Variants in MYH11 observed in about 807,000 individuals in gnomAD.
The protein encoded by MYH11 is myosin heavy chain 11.
Under a neutral mutation model 246.6 loss-of-function variants are expected in MYH11, and 80 were observed. The observed-to-expected ratio is 0.32, with a 90% CI of 0.27 to 0.39. The LOEUF (loss-of-function observed/expected upper bound fraction) is 0.39. Ranked by LOEUF, MYH11 falls within the 10% of genes least tolerant of loss-of-function variation. The probability of loss-of-function intolerance (pLI) is 1.00; values close to 1 mark genes in which losing one functional copy is unlikely to be tolerated. For synonymous variants in MYH11, 1,071 were observed against 1,015.5 expected, an observed-to-expected ratio of 1.05 and a Z score of -1.04; for missense variants, 2,158 against 2,546.8, an observed-to-expected ratio of 0.85 and a Z score of 3.29.
intron 5 of MYH11, among the ~76,000 whole-genome samples, chr16:15,783,688 C>G (rs2042405667): frequency 6.6e-6 from 1 of 152,132 alleles, no homozygotes; most frequent in African/African-American, 2.4e-5. Flanking sequence ...AACTTGGGGT[C>G]TCCATGCTCT....
rs200646382 is a variant in MYH11 at position 15,730,965 on chromosome 16, A to C, written c.3651+1599T>G. Among the ~76,000 whole-genome samples, 54 of 152,296 alleles carry C rather than the reference A, an allele frequency of 3.5e-4. No homozygotes were observed. The East Asian group carries it at 8.9e-3, about 25-fold the overall frequency. ...CCGGAGAGAGCTGTTCTGCCATTGA[A>C]ATCAAATAATGACAAGTTTCCTCCA... On this transcript the variant is annotated intron_variant, in intron 27 of 40. Transcript: ENST00000300036.
In MYH11 at chr16:15,747,636, C is replaced by T. The variant is rs200835799; in HGVS notation, c.2345G>A (p.Arg782Gln). 1.9e-5 allele frequency: 31 copies of T among 1,613,992 alleles called. No homozygotes were observed. Among genetic ancestry groups the T allele is most frequent in the Non-Finnish European group, 7.6e-6 (9 of 1,180,036 alleles). The change falls in exon 19 of 41, where the codon CGA becomes CAA. Residue 782 changes from arginine (R) to glutamine (Q), a missense_variant. By Grantham distance (43) the Arg-to-Gln change is conservative (BLOSUM62 1). Transcript: ENST00000300036. ...TGVLAHLEEE[R>Q]DLKITDVIMA... ...GATGACATCGGTGATCTTCAAATCT[C>T]GCTCCTCCTCTAGGTGGGCCAGGAC...
chr16:15,719,425 A>C, intron 35 of MYH11, 117 bp from the exon 36 acceptor site: 1 of 1,459,888 alleles, frequency 6.8e-7, no homozygotes, highest in East Asian at 2.3e-5. Flanking sequence ...AGCTCAGGGG[A>C]GGCCCCGTGA....
chr16:15,777,258 A>ACT (rs1357204739), intron 7 of MYH11, among the ~76,000 whole-genome samples: 2 of 152,088 alleles, frequency 1.3e-5, no homozygotes, highest in Admixed American at 1.3e-4. Flanking sequence ...AGTAGCTGGG[A>ACT]CTACAGGTGC....
intron 28 of MYH11, chr16:15,726,198 T>G (rs2040746818): frequency 6.5e-6 from 1 of 154,688 alleles, no homozygotes; most frequent in African/African-American, 2.4e-5. Context: ...TTTGTGTGAT[T>G]ATTCATGTCT....
chr16:15,742,381 T>A (rs1447082327), intron 20 of MYH11, among the ~76,000 whole-genome samples: 1 of 152,248 alleles, frequency 6.6e-6, no homozygotes, highest in Non-Finnish European at 1.5e-5. Context: ...CTGGCTCTTT[T>A]TCTATGTTTA....
chr16:15,788,095 T>TTTTTTTTTTTTTTTTTTTTTTTTTTC (rs11273419), intron 4 of MYH11, among the ~76,000 whole-genome samples: 1 of 99,488 alleles, frequency 1.0e-5, no homozygotes, highest in African/African-American at 3.4e-5. Context: ...TTTTTTTTTT[T>TTTTTTTTTTTTTTTTTTTTTTTTTTC]ACCAAGATGG....
chr16:15,788,798 ATGTGTGTGTGTGTG>A lies in MYH11; in HGVS notation c.531-2080_531-2067del, dbSNP rs58077308. The stretch of plus-strand genomic sequence containing the variant: ...GAAGGGGAAACTAAGACCAGAATAT[ATGTGTGTGTGTGTG>A]TGTGTGTGTGTGTGTGTGTGTGTGT... On this transcript the variant is annotated intron_variant, in intron 4 of 40. Coordinates refer to ENST00000300036, the MANE Select transcript of MYH11 (RefSeq NM_002474.3). Among the ~76,000 whole-genome samples, 618 of 104,894 alleles carry A rather than the reference ATGTGTGTGTGTGTG, an allele frequency of 5.9e-3. 15 individuals are homozygous for A. In the East Asian group the frequency reaches 0.095, roughly 16 times the overall value. 68.8% of individuals were successfully genotyped at this position (104,894 alleles called of 152,430 possible).
intron 32 of MYH11, 181 bp downstream of exon 32, chr16:15,721,241 C>A: frequency 1.1e-6 from 1 of 938,150 alleles, no homozygotes; most frequent in South Asian, 1.4e-5. Context: ...CCAACTCAGA[C>A]CCATCCTCGA....
chr16:15,815,859 A>G (rs1448052943), intron 3 of MYH11, among the ~76,000 whole-genome samples: 2 of 152,192 alleles, frequency 1.3e-5, no homozygotes, highest in African/African-American at 2.4e-5. Flanking sequence ...ACACACTCAC[A>G]AACATACACA....
rs1054925393 is a variant in MYH11, at chr16:15,837,713, T to G, written c.345+195A>C. On this transcript the variant is annotated intron_variant, in intron 2 of 40. Transcript: ENST00000300036. ...CCACCCTTGGCTACTTTTTGTATTT[T>G]TAGTAGAGACGGCATTTCATCATGT... Among the ~76,000 whole-genome samples the G allele has an allele frequency of 3.3e-5, 5 of 152,218 alleles. No individual in the cohort carries two copies. The East Asian group carries it at 7.7e-4, about 24-fold the overall frequency.
rs141015890 is a variant in MYH11 at position 15,813,484 on chromosome 16, G to C, written c.502+9771C>G. Among the ~76,000 whole-genome samples, 1,108 of 152,194 alleles carry C rather than the reference G, an allele frequency of 7.3e-3. 13 individuals carry two copies. Among genetic ancestry groups the C allele is most frequent in the African/African-American group, 0.025 (1,044 of 41,490 alleles). On this transcript the variant is annotated intron_variant, in intron 3 of 40. Coordinates refer to ENST00000300036, the MANE Select transcript of MYH11 (RefSeq NM_002474.3). Reference sequence around the variant, plus strand: ...TTCCTAATCTGGTCCTGTCCACCTTGTAGGTTTGTGGTAAAGATTAACTGA... The same window carrying C: ...TTCCTAATCTGGTCCTGTCCACCTTCTAGGTTTGTGGTAAAGATTAACTGA...
chr16:15,745,077 G>T, intron 20 of MYH11, 52 bp downstream of exon 20: 2 of 1,378,228 alleles, frequency 1.5e-6, no homozygotes, highest in Non-Finnish European at 2.1e-6. Context: ...GCTCCAGAGT[G>T]AAGAAGCAGG....
chr16:15,729,852 A>T (rs2040908755), intron 27 of MYH11, among the ~76,000 whole-genome samples: 1 of 151,594 alleles, frequency 6.6e-6, no homozygotes, highest in South Asian at 2.1e-4. Flanking sequence ...CACCCAGCCT[A>T]ATTTTATGTA....
chr16:15,726,085 C>T (rs999425013), intron 28 of MYH11: 1 of 182,602 alleles, frequency 5.5e-6, no homozygotes, highest in African/African-American at 2.3e-5. Flanking sequence ...ATCCATGCTC[C>T]TTAGGGAAGC....
intron 5 of MYH11, chr16:15,782,711 TC>T (rs1267395529): frequency 1.9e-6 from 1 of 519,488 alleles, no homozygotes; most frequent in African/African-American, 1.9e-5. Flanking sequence ...GTCACTTTTT[TC>T]AAGACCAGGG....
chr16:15,829,690 T>C (rs1412352092), intron 2 of MYH11, among the ~76,000 whole-genome samples: 1 of 152,196 alleles, frequency 6.6e-6, no homozygotes, highest in Non-Finnish European at 1.5e-5. Flanking sequence ...GATTTCCCTC[T>C]TGTGACCGTA....
intron 1 of MYH11, among the ~76,000 whole-genome samples, chr16:15,839,694 GAA>G (rs57488014): frequency 7.4e-6 from 1 of 135,030 alleles, no homozygotes. Flanking sequence ...ACTCTGTCTC[GAA>G]AAAAAAAAAA....
chr16:15,742,224 C>T, intron 20 of MYH11: 1 of 434,034 alleles, frequency 2.3e-6, no homozygotes, highest in East Asian at 4.7e-5. Flanking sequence ...GAAAAAGTCT[C>T]ATCTTCCCCA....
Sources: gnomAD v4.1 joint callset for allele counts (sites outside exome capture counted in the v4.1 genomes callset) on GRCh38, gnomAD v4.1.1 for gene constraint, MANE v1.5 for transcripts, NCBI Gene and HGNC (gene_info 2026-07-23, HGNC 2026-07-21) for gene names.